The following IQGAP2 variants were observed in gnomAD, a reference collection of about 807,000 sequenced individuals.
IQGAP2 encodes IQ motif containing GTPase activating protein 2, also known as ras GTPase-activating-like protein IQGAP2.
Under a neutral mutation model 201.3 loss-of-function variants are expected in IQGAP2, and 173 were observed. That is an observed-to-expected ratio of 0.86 (90% CI 0.76 to 0.98). IQGAP2 has a LOEUF of 0.98. Among genes scored for constraint, IQGAP2 ranks in the 50% least tolerant of loss-of-function variants. The pLI is 0.00. For synonymous variants in IQGAP2, 675 were observed against 673.9 expected, an observed-to-expected ratio of 1.00 and a Z score of -0.03; for missense variants, 1,687 against 1,864.8, an observed-to-expected ratio of 0.90 and a Z score of 1.76.
At chr5:76,496,725 T>TTTTCTTTCTTTCTTTC (rs774957947) in intron 2 of IQGAP2, among the ~76,000 whole-genome samples, 2 of 93,588 alleles carry the variant, frequency 2.1e-5, no homozygotes, top group East Asian at 3.0e-4. Context: ...TCTTTCTTTC[T>TTTTCTTTCTTTCTTTC]TTTCTTTCTT....
At position 76,640,998 on chromosome 5, in the gene IQGAP2, G is replaced by A. The variant is rs745801288; in HGVS notation, c.1989G>A (p.Leu663=). ...ATATATGGTCTGCTTCAGAAGAGTT[G>A]CTTCTTCGCTTTCAAGCCACAAGCT... ...RENIWSASEE[L]LLRFQATSSG... is the part of the protein sequence containing the mutation. Residue 663 remains leucine, a synonymous_variant, in exon 17 of 36, where the codon TTG becomes TTA. Transcript: ENST00000274364. 1.2e-6 allele frequency: 2 copies of A among 1,610,208 alleles called. No homozygotes were observed. The highest frequency in any genetic ancestry group is 1.3e-5 in the African/African-American group (1 of 74,982).
At chr5:76,463,195 T>G (rs1054943189) in intron 2 of IQGAP2, among the ~76,000 whole-genome samples, 12 of 150,400 alleles carry the variant, frequency 8.0e-5, no homozygotes, top group African/African-American at 2.9e-4. Flanking sequence ...AGTGAATAAG[T>G]TCAAGGAGAT....
intron 18 of IQGAP2, 50 bp from the exon 19 acceptor site, chr5:76,654,150 C>T: frequency 7.6e-7 from 1 of 1,312,016 alleles, no homozygotes; most frequent in Non-Finnish European, 1.1e-6. Flanking sequence ...ATTACTTTGA[C>T]TTTTCTCTTT....
chr5:76,426,872 C>T (rs1752031981), intron 1 of IQGAP2, among the ~76,000 whole-genome samples: 1 of 150,262 alleles, frequency 6.7e-6, no homozygotes, highest in African/African-American at 2.5e-5. Context: ...ATGGCAGGCT[C>T]TTCTCTGAGC....
At position 76,683,751 on chromosome 5, in the gene IQGAP2, A is replaced by G. The variant is rs757325945; in HGVS notation, c.3764-25A>G. 3.1e-6 allele frequency: 5 copies of G among 1,595,666 alleles called. No homozygotes were observed. In the Middle Eastern group the frequency reaches 6.7e-4, roughly 213 times the overall value. On this transcript the variant is annotated intron_variant, in intron 29 of 35. Transcript: ENST00000274364. ...TCATCACAAAGAGTGAATTGGAAAAATAACACTAGGTTTTTTCCCTACAGG... is the reference window on the plus strand; with the variant it reads ...TCATCACAAAGAGTGAATTGGAAAAGTAACACTAGGTTTTTTCCCTACAGG...
At chr5:76,688,511 A>G (rs2150526981) in intron 30 of IQGAP2, among the ~76,000 whole-genome samples, 1 of 152,314 alleles carries the variant, frequency 6.6e-6, no homozygotes, top group South Asian at 2.1e-4. Flanking sequence ...ATGGCCAGGG[A>G]CAGTTTTTAT....
chr5:76,510,441 C>T lies in IQGAP2; in HGVS notation c.146+48772C>T, dbSNP rs150009858. On this transcript the variant is annotated intron_variant, in intron 2 of 35. Transcript: ENST00000274364. The stretch of plus-strand genomic sequence containing the variant: ...GCAGGGCCCATACAGGCAGGGGTGG[C>T]GCCTGAGGGTCCCGGGCCAGGCAGC... 301 of 289,812 alleles carry T rather than the reference C, an allele frequency of 1.0e-3. 2 individuals carry two copies. The highest frequency in any genetic ancestry group is 2.2e-3 in the South Asian group (74 of 33,942). The allele number at this position is 289,812 out of a possible 1,614,324, so 18.0% of individuals were successfully genotyped here.
At chr5:76,702,691 A>C in intron 35 of IQGAP2, 101 bp downstream of exon 35, 5 of 603,506 alleles carry the variant, frequency 8.3e-6, no homozygotes, top group South Asian at 2.3e-5. Context: ...AAAGTTTAAC[A>C]GAAAACCAGT....
intron 2 of IQGAP2, among the ~76,000 whole-genome samples, chr5:76,532,496 G>A (rs370635413): frequency 6.6e-6 from 1 of 151,882 alleles, no homozygotes; most frequent in East Asian, 1.9e-4. Flanking sequence ...TGGGGGGGTA[G>A]AAGGTGATAG....
chr5:76,646,637 T>A (rs1752058749), intron 17 of IQGAP2, among the ~76,000 whole-genome samples: 1 of 152,224 alleles, frequency 6.6e-6, no homozygotes, highest in African/African-American at 2.4e-5. Context: ...TGTGCTCTTT[T>A]CAATAGTTAC....
intron 11 of IQGAP2, among the ~76,000 whole-genome samples, chr5:76,601,467 C>G (rs888009091): frequency 6.6e-6 from 1 of 152,214 alleles, no homozygotes; most frequent in Non-Finnish European, 1.5e-5. Flanking sequence ...CAGTGGGTAA[C>G]AACATCCATT....
chr5:76,507,989 C>T (rs534729708), intron 2 of IQGAP2, among the ~76,000 whole-genome samples: 90 of 116,582 alleles, frequency 7.7e-4, no homozygotes, highest in African/African-American at 3.0e-3. Context: ...GGTGATAGAG[C>T]GTGAGACTCC....
At chr5:76,475,140 T>C (rs1357716835) in intron 2 of IQGAP2, among the ~76,000 whole-genome samples, 7 of 152,048 alleles carry the variant, frequency 4.6e-5, no homozygotes, top group African/African-American at 1.7e-4. Context: ...GAACAGAGGA[T>C]ACCCCTTCCT....
At chr5:76,507,439 A>G (rs1757669650) in intron 2 of IQGAP2, among the ~76,000 whole-genome samples, 1 of 152,192 alleles carries the variant, frequency 6.6e-6, no homozygotes, top group Non-Finnish European at 1.5e-5. Flanking sequence ...ATGTTTTGTT[A>G]GATTTATAAT....
chr5:76,689,479 T>G (rs1265848317), intron 30 of IQGAP2, among the ~76,000 whole-genome samples: 2 of 152,200 alleles, frequency 1.3e-5, no homozygotes, highest in African/African-American at 4.8e-5. Flanking sequence ...TGTCAACCTT[T>G]CATTATAACT....
intron 1 of IQGAP2, among the ~76,000 whole-genome samples, chr5:76,440,452 G>A (rs181846287): frequency 5.3e-5 from 8 of 152,194 alleles, no homozygotes; most frequent in African/African-American, 1.7e-4. Context: ...TCCAAAAGAG[G>A]CACCTAAAGA....
Position 76,559,890 on chromosome 5 carries a change from A to C in IQGAP2, c.147-2506A>C, listed in dbSNP as rs181313509. On this transcript the variant is annotated intron_variant, in intron 2 of 35. Coordinates refer to ENST00000274364, the MANE Select transcript of IQGAP2 (RefSeq NM_006633.5). Reference sequence around the variant, plus strand: ...TGAGTGTATCCTCCAATGGGAACGCATCTTGTCCAGGGTTGGTGCCCACCC... The same window carrying C: ...TGAGTGTATCCTCCAATGGGAACGCCTCTTGTCCAGGGTTGGTGCCCACCC... Among the ~76,000 whole-genome samples, 26 of 152,226 alleles carry C rather than the reference A, an allele frequency of 1.7e-4. No individual in the cohort carries two copies. In the East Asian group the frequency reaches 4.6e-3, roughly 27 times the overall value.
intron 5 of IQGAP2, among the ~76,000 whole-genome samples, chr5:76,578,338 G>A (rs1203574235): frequency 6.6e-6 from 1 of 151,154 alleles, no homozygotes; most frequent in African/African-American, 2.4e-5. Context: ...TTTTGAGATG[G>A]AGTCTCACTC....
chr5:76,610,074 CTCTATATATATATATATATA>C (rs1263703687), intron 12 of IQGAP2, among the ~76,000 whole-genome samples: 16 of 4,400 alleles, frequency 3.6e-3, no homozygotes, highest in African/African-American at 9.4e-3. Flanking sequence ...CTCTCTCTCT[CTCTATATATATATATATATA>C]TATATATATA....
Sources: allele counts gnomAD v4.1 joint callset (sites outside exome capture counted in the v4.1 genomes callset), GRCh38; gene constraint gnomAD v4.1.1; transcripts MANE v1.5; gene names NCBI Gene and HGNC (gene_info 2026-07-23, HGNC 2026-07-21).